TSNAX: variants seen among roughly 807,000 people sequenced by gnomAD.
TSNAX encodes translin associated factor X, also known as translin-associated protein X.
Under a neutral mutation model 33.0 loss-of-function variants are expected in TSNAX, and 12 were observed. That is an observed-to-expected ratio of 0.36 (90% CI 0.23 to 0.59). The LOEUF is 0.59. TSNAX is among the 20% of genes least tolerant of loss of function. The pLI, the probability that TSNAX is intolerant of heterozygous loss-of-function variation, is 0.74. For synonymous variants in TSNAX, 110 were observed against 117.2 expected, an observed-to-expected ratio of 0.94 and a Z score of 0.40; for missense variants, 267 against 341.3, an observed-to-expected ratio of 0.78 and a Z score of 1.72.
At chr1:231,552,773 T>G (rs1382352571) in intron 4 of TSNAX, among the ~76,000 whole-genome samples, 1 of 152,222 alleles carries the variant, frequency 6.6e-6, no homozygotes, top group African/African-American at 2.4e-5. Flanking sequence ...GGTTAGCCCC[T>G]GGTCACCACT....
At chr1:231,533,203 A>G (rs866295316) in intron 2 of TSNAX, among the ~76,000 whole-genome samples, 3 of 151,966 alleles carry the variant, frequency 2.0e-5, no homozygotes, top group Non-Finnish European at 4.4e-5. Flanking sequence ...GGTTCAAGCA[A>G]TTCTCCTGCC....
chr1:231,543,570 T>G (rs1659714397), intron 4 of TSNAX, among the ~76,000 whole-genome samples: 1 of 152,152 alleles, frequency 6.6e-6, no homozygotes, highest in Admixed American at 6.5e-5. Flanking sequence ...TACCCTAAGA[T>G]TTGCAGGAAG....
In TSNAX at chr1:231,528,847, G is replaced by A. The variant is rs151110867; in HGVS notation, c.16+21G>A. The A allele has an allele frequency of 5.5e-4, 882 of 1,614,144 alleles. 5 individuals are homozygous for A. The African/African-American group carries it at 0.011, about 19-fold the overall frequency. On this transcript the variant is annotated intron_variant, in intron 1 of 5. Coordinates refer to ENST00000366639, the MANE Select transcript of TSNAX (RefSeq NM_005999.3). ...AGAAGGTGGCGTCCTTAACAACACG[G>A]GGCGTTATTTATCCGGAGGGGGAGG...
Position 231,537,315 on chromosome 1 carries a change from A to G in TSNAX, c.224A>G (p.His75Arg), listed in dbSNP as rs1437711581. The G allele has an allele frequency of 1.9e-6, 3 of 1,606,674 alleles. No homozygotes were observed. The highest frequency in any genetic ancestry group is 2.6e-6 in the Non-Finnish European group (3 of 1,174,078). The change falls in exon 3 of 6, where the codon CAT (histidine) becomes CGT (arginine). Residue 75 changes from histidine to arginine, a missense_variant. Around this residue, in one of 2 missense-constraint regions of TSNAX, gnomAD observed 200 missense variants for 214.1 expected, o/e 0.93. Coordinates refer to ENST00000366639, the MANE Select transcript of TSNAX (RefSeq NM_005999.3). ...VESKRTIFLLHRITSAPDMED... is the reference protein window; with the variant it reads ...VESKRTIFLLRRITSAPDMED... ...AGTAAAAGGACAATTTTTCTCCTCC[A>G]TAGGATTACAAGGTGAGTAAGCATC... is the stretch of plus-strand genomic sequence containing the variant.
rs1161736301 is a variant in TSNAX at position 231,542,706 on chromosome 1, AAAT to A, written c.367+103_367+105del. 2.1e-5 allele frequency: 28 copies of A among 1,353,376 alleles called. No individual in the cohort carries two copies. In the East Asian group the frequency reaches 4.9e-4, roughly 24 times the overall value. 83.8% of individuals were successfully genotyped at this position (1,353,376 alleles called of 1,614,324 possible). ...CATGAATTTTAAGTGACACCTGATG[AAAT>A]AATAATACTGGCTTTTAAAGAACTG... On this transcript the variant is annotated intron_variant, in intron 4 of 5. Coordinates refer to ENST00000366639, the MANE Select transcript of TSNAX (RefSeq NM_005999.3).
chr1:231,540,536 A>G (rs1229975185), intron 3 of TSNAX, among the ~76,000 whole-genome samples: 5 of 152,220 alleles, frequency 3.3e-5, no homozygotes, highest in Admixed American at 1.3e-4. Flanking sequence ...GAATCCTTTT[A>G]AATTTATGGA....
intron 2 of TSNAX, among the ~76,000 whole-genome samples, chr1:231,532,179 C>A (rs1202905848): frequency 1.0e-5 from 1 of 96,104 alleles, no homozygotes; most frequent in African/African-American, 3.9e-5. Context: ...CACACACACA[C>A]ACACACAGTT....
At position 231,528,695 on chromosome 1, in the gene TSNAX, G is replaced by T. The variant is rs1002117450; in HGVS notation, c.-116G>T. On this transcript the variant is annotated 5_prime_UTR_variant, in exon 1 of 6. Coordinates refer to ENST00000366639, the MANE Select transcript of TSNAX (RefSeq NM_005999.3). ...CGGCCACTGCGTTGTAGTCGGCCCG[G>T]CTGCAAAGCGTTTTTCTGCAGGCTG... The T allele has an allele frequency of 2.4e-6, 3 of 1,228,130 alleles. No homozygotes were observed. The highest frequency in any genetic ancestry group is 3.5e-6 in the Non-Finnish European group (3 of 845,488). The allele number at this position is 1,228,130 out of a possible 1,614,324, so 76.1% of individuals were successfully genotyped here.
At chr1:231,538,191 G>A (rs990006477) in intron 3 of TSNAX, among the ~76,000 whole-genome samples, 3 of 151,266 alleles carry the variant, frequency 2.0e-5, no homozygotes, top group Non-Finnish European at 2.9e-5. Context: ...ATTTTTCTAC[G>A]CAGGCTTTGT....
At chr1:231,529,720 G>A (rs1658530860) in intron 2 of TSNAX, among the ~76,000 whole-genome samples, 1 of 152,180 alleles carries the variant, frequency 6.6e-6, no homozygotes, top group East Asian at 1.9e-4. Flanking sequence ...TGAAGACAGG[G>A]ACGGTATCTT....
chr1:231,551,372 A>C (rs1660279581), intron 4 of TSNAX, among the ~76,000 whole-genome samples: 1 of 152,190 alleles, frequency 6.6e-6, no homozygotes, highest in Non-Finnish European at 1.5e-5. Context: ...TTTATGTTTT[A>C]ATATTCCATA....
chr1:231,564,497 G>A lies in TSNAX; in HGVS notation c.496-31G>A, dbSNP rs771373733. The A allele has an allele frequency of 1.3e-5, 20 of 1,587,422 alleles. No homozygotes were observed. In the Admixed American group the frequency reaches 2.1e-4, roughly 16 times the overall value. On this transcript the variant is annotated intron_variant, in intron 5 of 5. Coordinates refer to ENST00000366639, the MANE Select transcript of TSNAX (RefSeq NM_005999.3). Reference sequence around the variant, plus strand: ...TGTTCTTTCTTGTGTGTGTGTGTGTGTGTTTTTGTTTTGTTTTGTTTTTTT... The same window carrying A: ...TGTTCTTTCTTGTGTGTGTGTGTGTATGTTTTTGTTTTGTTTTGTTTTTTT...
At chr1:231,559,411 C>T (rs961429401) in intron 4 of TSNAX, among the ~76,000 whole-genome samples, 28 of 152,146 alleles carry the variant, frequency 1.8e-4, no homozygotes, top group African/African-American at 5.6e-4. Flanking sequence ...TCATTACAAG[C>T]CCCACCTCCC....
chr1:231,539,759 C>A (rs1180709696), intron 3 of TSNAX, among the ~76,000 whole-genome samples: 1 of 152,108 alleles, frequency 6.6e-6, no homozygotes, highest in Non-Finnish European at 1.5e-5. Flanking sequence ...TGTTTTTTAT[C>A]ATAGTTGTGA....
At chr1:231,544,415 G>A (rs1659772150) in intron 4 of TSNAX, among the ~76,000 whole-genome samples, 1 of 152,170 alleles carries the variant, frequency 6.6e-6, no homozygotes, top group Non-Finnish European at 1.5e-5. Flanking sequence ...GATCACAGTA[G>A]TTCTCACTTT....
chr1:231,545,349 C>T (rs975675256), intron 4 of TSNAX, among the ~76,000 whole-genome samples: 6 of 152,150 alleles, frequency 3.9e-5, no homozygotes, highest in African/African-American at 1.4e-4. Flanking sequence ...GCTAATGGCA[C>T]GCAGAGCATT....
At chr1:231,532,016 G>A (rs1468361451) in intron 2 of TSNAX, among the ~76,000 whole-genome samples, 1 of 151,408 alleles carries the variant, frequency 6.6e-6, no homozygotes, top group African/African-American at 2.4e-5. Context: ...AGGCTGCAGT[G>A]AGCTGTGATT....
At chr1:231,538,985 T>C (rs1449645280) in intron 3 of TSNAX, among the ~76,000 whole-genome samples, 20 of 152,232 alleles carry the variant, frequency 1.3e-4, no homozygotes. Flanking sequence ...CATGAAACTT[T>C]TAAGATAATT....
chr1:231,537,168 T>C, intron 2 of TSNAX, 45 bp from the exon 3 acceptor site: 4 of 1,413,538 alleles, frequency 2.8e-6, no homozygotes, highest in Non-Finnish European at 3.9e-6. Context: ...TTTGGTAGGC[T>C]TTGAGTATAG....
Sources: allele counts gnomAD v4.1 joint callset (sites outside exome capture counted in the v4.1 genomes callset), GRCh38; gene constraint gnomAD v4.1.1; regional missense constraint gnomAD v4.1.1; transcripts MANE v1.5; gene names NCBI Gene and HGNC (gene_info 2026-07-23, HGNC 2026-07-21).